Variants in CRYBG1 observed in about 807,000 individuals in gnomAD.
CRYBG1 encodes the protein beta/gamma crystallin domain-containing protein 1.
A neutral mutation model predicts 189.2 loss-of-function variants in CRYBG1; 139 were observed. That is an observed-to-expected ratio of 0.73 (90% confidence interval 0.64 to 0.85). The LOEUF is 0.85. Ranked by LOEUF, CRYBG1 falls within the 40% of genes least tolerant of loss-of-function variation. CRYBG1 has a pLI of 0.00. For synonymous variants in CRYBG1, 1,023 were observed against 1,017.1 expected, an observed-to-expected ratio of 1.01 and a Z score of -0.11; for missense variants, 2,611 against 2,675.8, an observed-to-expected ratio of 0.98 and a Z score of 0.53.
At chr6:106,460,122 G>A (rs980372588) in intron 2 of CRYBG1, among the ~76,000 whole-genome samples, 1 of 150,994 alleles carries the variant, frequency 6.6e-6, no homozygotes, top group African/African-American at 2.4e-5. Context: ...GAGTAGCTGG[G>A]ACTACAGGCG....
intron 1 of CRYBG1, among the ~76,000 whole-genome samples, chr6:106,367,708 A>C (rs1772033216): frequency 6.6e-6 from 1 of 151,810 alleles, no homozygotes; most frequent in African/African-American, 2.4e-5. Context: ...TCATGCCTGT[A>C]ATCCCAGCAC....
chr6:106,384,974 G>T (rs76518544), intron 1 of CRYBG1, among the ~76,000 whole-genome samples: 16,736 of 149,588 alleles, frequency 0.11, 1,050 homozygotes, highest in African/African-American at 0.15. Context: ...TTCCAGTTTG[G>T]CTTTGAATGC....
intron 1 of CRYBG1, among the ~76,000 whole-genome samples, chr6:106,365,655 T>C (rs1220366970): frequency 3.7e-5 from 4 of 107,244 alleles, no homozygotes; most frequent in Non-Finnish European, 6.6e-5. Context: ...ATTATTTCCA[T>C]TGAGTTCTTT....
At chr6:106,549,271 G>A (rs993345395) in intron 13 of CRYBG1, among the ~76,000 whole-genome samples, 14 of 152,118 alleles carry the variant, frequency 9.2e-5, no homozygotes, top group Non-Finnish European at 2.1e-4. Context: ...GCGGGTACCC[G>A]TGTGCTGTAC....
At chr6:106,409,666 C>T (rs1770889108) in intron 1 of CRYBG1, among the ~76,000 whole-genome samples, 1 of 152,046 alleles carries the variant, frequency 6.6e-6, no homozygotes, top group Admixed American at 6.6e-5. Flanking sequence ...GTACTGGTAC[C>T]AAAACAGATA....
chr6:106,520,799 C>T lies in CRYBG1; in HGVS notation c.3591C>T (p.Ser1197=), dbSNP rs1417354. ...CCAAACGTGCATCTGCTGAACAGAG[C>T]GTCCTCTTCAAGTCCCTGCACACCA... ...LRPKRASAEQ[S]VLFKSLHTNT... The change falls in exon 4 of 22, where the codon AGC becomes AGT. Residue 1197 remains serine (S), a synonymous_variant. Coordinates refer to ENST00000633556, the MANE Select transcript of CRYBG1 (RefSeq NM_001371242.2). 19,924 of 1,614,084 alleles carry T rather than the reference C, an allele frequency of 0.012. 164 individuals carry two copies. The highest frequency in any genetic ancestry group is 0.014 in the Non-Finnish European group (16,811 of 1,179,998).
rs761398144 is a variant in CRYBG1 at position 106,560,921 on chromosome 6, G to A, written c.5974G>A (p.Val1992Ile). 8.7e-6 allele frequency: 14 copies of A among 1,602,100 alleles called. No homozygotes were observed. Among genetic ancestry groups the A allele is most frequent in the Non-Finnish European group, 1.2e-5 (14 of 1,174,722 alleles). ...CRQIGSLRPF[V>I]QKRIYFRLRN... ...CCAAATAGGTTCTCTACGACCTTTT[G>A]TTCAGGTATTTTCTTCCTCTCCATG... Residue 1992 changes from valine (V) to isoleucine (I), a missense_variant, in exon 19 of 22, where the codon GTT becomes ATT. Coordinates refer to ENST00000633556, the MANE Select transcript of CRYBG1 (RefSeq NM_001371242.2).
At chr6:106,468,055 A>G (rs967155769) in intron 2 of CRYBG1, among the ~76,000 whole-genome samples, 1 of 152,214 alleles carries the variant, frequency 6.6e-6, no homozygotes, top group Non-Finnish European at 1.5e-5. Context: ...AAATGGTGAG[A>G]GTGGAATACA....
chr6:106,380,081 A>G (rs888634130), intron 1 of CRYBG1, among the ~76,000 whole-genome samples: 6 of 152,160 alleles, frequency 3.9e-5, no homozygotes, highest in African/African-American at 1.4e-4. Flanking sequence ...TTGATAACCA[A>G]AGACACTGCC....
At chr6:106,518,371 T>A (rs1344996449) in intron 3 of CRYBG1, among the ~76,000 whole-genome samples, 1 of 152,212 alleles carries the variant, frequency 6.6e-6, no homozygotes, top group African/African-American at 2.4e-5. Context: ...TTAAAATCTA[T>A]CCTTTTGAGA....
chr6:106,404,014 A>G (rs939122786), intron 1 of CRYBG1, among the ~76,000 whole-genome samples: 1 of 152,276 alleles, frequency 6.6e-6, no homozygotes, highest in Non-Finnish European at 1.5e-5. Flanking sequence ...AAACTTGCTC[A>G]GAGGACATGG....
chr6:106,409,820 T>C (rs558314803), intron 1 of CRYBG1, among the ~76,000 whole-genome samples: 92 of 152,290 alleles, frequency 6.0e-4, no homozygotes, highest in African/African-American at 2.0e-3. Context: ...TGGCTAGCCA[T>C]ATGCAGAAAA....
chr6:106,450,237 A>G (rs1013213030), intron 1 of CRYBG1, among the ~76,000 whole-genome samples: 59 of 149,290 alleles, frequency 4.0e-4, no homozygotes, highest in Admixed American at 4.0e-4. Context: ...AAAAAAAAGT[A>G]CACAATAGAG....
At position 106,482,144 on chromosome 6, in the gene CRYBG1, C is replaced by T. The variant is rs191994863; in HGVS notation, c.313-29286C>T. On this transcript the variant is annotated intron_variant, in intron 2 of 21. Coordinates refer to ENST00000633556, the MANE Select transcript of CRYBG1 (RefSeq NM_001371242.2). ...TCTGAGGCTTGGGGTCCTCTTCCAA[C>T]CTCACGTAGTTGTTGGCAGAATTCA... 4.1e-3 allele frequency among the ~76,000 whole-genome samples: 626 copies of T among 152,318 alleles called. 2 individuals carry two copies. Among genetic ancestry groups the T allele is most frequent in the Admixed American group, 6.9e-3 (106 of 15,312 alleles).
chr6:106,555,622 A>T, intron 16 of CRYBG1, 146 bp from the exon 17 acceptor site: 1 of 1,015,302 alleles, frequency 9.8e-7, no homozygotes, highest in Non-Finnish European at 1.4e-6. Flanking sequence ...TGCAATAAAT[A>T]TATCCAAATA....
At chr6:106,504,647 GTGTT>G (rs1773090458) in intron 2 of CRYBG1, among the ~76,000 whole-genome samples, 1 of 135,904 alleles carries the variant, frequency 7.4e-6, no homozygotes, top group South Asian at 2.9e-4. Context: ...GTGCGTGTGT[GTGTT>G]TGTGTGTGTG....
intron 1 of CRYBG1, among the ~76,000 whole-genome samples, chr6:106,411,429 G>C (rs751643820): frequency 6.6e-6 from 1 of 152,132 alleles, no homozygotes; most frequent in African/African-American, 2.4e-5. Flanking sequence ...CGGCAATTTT[G>C]ATTAGTTTAG....
At chr6:106,375,725 T>TTTACTTTTTGATACAC (rs1460681099) in intron 1 of CRYBG1, among the ~76,000 whole-genome samples, 1 of 152,158 alleles carries the variant, frequency 6.6e-6, no homozygotes, top group Non-Finnish European at 1.5e-5. Flanking sequence ...TTTTGATACA[T>TTTACTTTTTGATACAC]TTACTTTTTG....
intron 2 of CRYBG1, among the ~76,000 whole-genome samples, chr6:106,486,427 A>G (rs1305359284): frequency 6.6e-6 from 1 of 152,070 alleles, no homozygotes; most frequent in Non-Finnish European, 1.5e-5. Context: ...TTTTGCAGCT[A>G]TTGGATGGAA....
Sources: gnomAD v4.1 joint callset for allele counts (sites outside exome capture counted in the v4.1 genomes callset) on GRCh38, gnomAD v4.1.1 for gene constraint, MANE v1.5 for transcripts, NCBI Gene and HGNC (gene_info 2026-07-23, HGNC 2026-07-21) for gene names.